CTDSPL: variants seen among roughly 807,000 people sequenced by gnomAD.
CTDSPL encodes CTD small phosphatase like.
Under a neutral mutation model 30.5 loss-of-function variants are expected in CTDSPL, and 8 were observed. The observed-to-expected ratio is 0.26, with a 90% CI of 0.15 to 0.47. The LOEUF is 0.47. Among genes scored for constraint, CTDSPL ranks in the 20% least tolerant of loss-of-function variants. CTDSPL has a pLI of 0.99. For missense variants in CTDSPL, 248 were observed against 366.1 expected (o/e 0.68, Z 2.63); for synonymous variants, 110 against 137.9 (o/e 0.80, Z 1.42).
intron 1 of CTDSPL, among the ~76,000 whole-genome samples, chr3:37,902,096 C>T (rs1698457009): frequency 6.6e-6 from 1 of 152,182 alleles, no homozygotes; most frequent in African/African-American, 2.4e-5. Context: ...TTGAAACTCT[C>T]AGCTTATATG....
At chr3:37,870,412 G>A (rs1447274224) in intron 1 of CTDSPL, among the ~76,000 whole-genome samples, 1 of 151,994 alleles carries the variant, frequency 6.6e-6, no homozygotes, top group Non-Finnish European at 1.5e-5. Flanking sequence ...GTTATGCCCT[G>A]TTTCATTCCT....
chr3:37,904,933 T>C (rs1406007244), intron 1 of CTDSPL, among the ~76,000 whole-genome samples: 1 of 152,194 alleles, frequency 6.6e-6, no homozygotes, highest in Non-Finnish European at 1.5e-5. Context: ...TGACTCAGTC[T>C]AATCACTCCT....
intron 1 of CTDSPL, among the ~76,000 whole-genome samples, chr3:37,884,195 G>A (rs576051129): frequency 6.6e-6 from 1 of 151,960 alleles, no homozygotes; most frequent in Non-Finnish European, 1.5e-5. Flanking sequence ...ATCAATAGGG[G>A]ACAAGGAAGT....
chr3:37,904,583 A>G (rs1413940867), intron 1 of CTDSPL, among the ~76,000 whole-genome samples: 1 of 152,196 alleles, frequency 6.6e-6, no homozygotes, highest in Non-Finnish European at 1.5e-5. Context: ...AAAGATCAGT[A>G]TCTGTGAGTG....
intron 4 of CTDSPL, 35 bp downstream of exon 4, chr3:37,964,707 G>A (rs935370984): frequency 9.5e-6 from 14 of 1,481,404 alleles, no homozygotes; most frequent in Non-Finnish European, 1.3e-5. Flanking sequence ...CATGATCTTT[G>A]TGATTTGATA....
At chr3:37,878,760 C>T (rs931224968) in intron 1 of CTDSPL, among the ~76,000 whole-genome samples, 5 of 152,060 alleles carry the variant, frequency 3.3e-5, no homozygotes, top group African/African-American at 9.7e-5. Flanking sequence ...GATTTTGTAT[C>T]GTGTATCTTT....
intron 1 of CTDSPL, among the ~76,000 whole-genome samples, chr3:37,941,678 C>T (rs556438138): frequency 7.3e-5 from 11 of 150,342 alleles, no homozygotes; most frequent in African/African-American, 2.4e-4. Flanking sequence ...AATGAGCCAC[C>T]GCATTTGGGC....
At chr3:37,887,684 A>G (rs749331130) in intron 1 of CTDSPL, among the ~76,000 whole-genome samples, 4 of 152,236 alleles carry the variant, frequency 2.6e-5, no homozygotes, top group African/African-American at 4.8e-5. Context: ...AGGGCTTGCT[A>G]TTGTTAAAAT....
chr3:37,906,737 A>T (rs1698520110), intron 1 of CTDSPL, among the ~76,000 whole-genome samples: 1 of 151,976 alleles, frequency 6.6e-6, no homozygotes, highest in Admixed American at 6.6e-5. Context: ...TGTGCTGCCC[A>T]CTCTAGTAGT....
At chr3:37,890,670 G>C (rs1009688117) in intron 1 of CTDSPL, among the ~76,000 whole-genome samples, 1 of 152,184 alleles carries the variant, frequency 6.6e-6, no homozygotes, top group African/African-American at 2.4e-5. Context: ...TCGCCAGCAT[G>C]GTGGGTAGAG....
chr3:37,982,917 C>T lies in CTDSPL; in HGVS notation c.*2050C>T, dbSNP rs11129775. The T allele has an allele frequency of 0.18, 40,649 of 225,584 alleles. 3,890 individuals carry two copies. Among genetic ancestry groups the T allele is most frequent in the South Asian group, 0.26 (5,085 of 19,542 alleles). 14.0% of individuals were successfully genotyped at this position (225,584 alleles called of 1,614,324 possible). ...CCTAATGAGAGCCTTAGACCCTCAA[C>T]CATGCCCCCTTCGTTGGCATCACAG... is the stretch of plus-strand genomic sequence containing the variant. On this transcript the variant is annotated 3_prime_UTR_variant, in exon 8 of 8. Coordinates refer to ENST00000273179, the MANE Select transcript of CTDSPL (RefSeq NM_001008392.2).
Position 37,877,253 on chromosome 3 carries a change from C to T in CTDSPL, c.79+14975C>T, listed in dbSNP as rs139640657. Among the ~76,000 whole-genome samples, 392 of 152,248 alleles carry T rather than the reference C, an allele frequency of 2.6e-3. 3 individuals are homozygous for T. Among genetic ancestry groups the T allele is most frequent in the African/African-American group, 9.0e-3 (372 of 41,546 alleles). ...TGCAAAAACGAAACTATTCATTAAA[C>T]AATAACTCCCCATTCCCTCCTTGCC... On this transcript the variant is annotated intron_variant, in intron 1 of 7. Transcript: ENST00000273179.
chr3:37,965,048 G>C (rs1323928276), intron 4 of CTDSPL, among the ~76,000 whole-genome samples: 1 of 152,092 alleles, frequency 6.6e-6, no homozygotes, highest in Admixed American at 6.5e-5. Context: ...GAGGGGGAGG[G>C]GAGTCTCTGT....
intron 4 of CTDSPL, among the ~76,000 whole-genome samples, chr3:37,966,351 G>A (rs943245650): frequency 2.0e-5 from 3 of 152,188 alleles, no homozygotes; most frequent in East Asian, 1.9e-4. Context: ...TCTTCCCTTC[G>A]AAAATGTACA....
chr3:37,920,311 C>T (rs1698698975), intron 1 of CTDSPL, among the ~76,000 whole-genome samples: 2 of 152,164 alleles, frequency 1.3e-5, no homozygotes, highest in Admixed American at 6.5e-5. Flanking sequence ...ATGGAATGTG[C>T]CCTGGTGTGC....
intron 1 of CTDSPL, among the ~76,000 whole-genome samples, chr3:37,914,002 G>A (rs1354740176): frequency 6.6e-6 from 1 of 152,202 alleles, no homozygotes; most frequent in African/African-American, 2.4e-5. Context: ...TTGAGATTGT[G>A]TGGAATCTGT....
intron 1 of CTDSPL, among the ~76,000 whole-genome samples, chr3:37,884,130 C>G (rs557259084): frequency 6.6e-6 from 1 of 152,100 alleles, no homozygotes; most frequent in African/African-American, 2.4e-5. Flanking sequence ...AGTAAATAAT[C>G]TCACAGAAAT....
At chr3:37,894,889 T>G (rs554405820) in intron 1 of CTDSPL, among the ~76,000 whole-genome samples, 15 of 152,334 alleles carry the variant, frequency 9.8e-5, no homozygotes, top group African/African-American at 3.4e-4. Flanking sequence ...TTTTAAATTC[T>G]AGAACTTTCA....
chr3:37,944,786 CA>C (rs1169784955), intron 1 of CTDSPL: 1 of 150,328 alleles, frequency 6.7e-6, no homozygotes, highest in Non-Finnish European at 1.5e-5. Flanking sequence ...ACTCTTTATA[CA>C]GAGAAGGAAA....
Sources: gnomAD v4.1 joint callset for allele counts (sites outside exome capture counted in the v4.1 genomes callset) on GRCh38, gnomAD v4.1.1 for gene constraint, MANE v1.5 for transcripts, NCBI Gene and HGNC (gene_info 2026-07-23, HGNC 2026-07-21) for gene names.